The following SIK3 variants were observed in gnomAD, a reference collection of about 807,000 sequenced individuals.
SIK3 encodes the protein serine/threonine-protein kinase SIK3.
In SIK3, 28 loss-of-function variants were observed where a neutral mutation model predicts 144.2. The observed-to-expected ratio is 0.19, with a 90% CI of 0.14 to 0.27. The LOEUF (loss-of-function observed/expected upper bound fraction) is 0.27, where lower values mean the gene tolerates loss of function less well. SIK3 is among the 10% of genes least tolerant of loss of function. The probability of loss-of-function intolerance (pLI) is 1.00; values close to 1 mark genes in which losing one functional copy is unlikely to be tolerated. For missense variants in SIK3, 1,319 were observed against 1,776.0 expected (o/e 0.74, Z 4.62); for synonymous variants, 686 against 676.3 (o/e 1.01, Z -0.22).
At chr11:117,052,617 A>G (rs754657385) in intron 1 of SIK3, among the ~76,000 whole-genome samples, 3 of 152,232 alleles carry the variant, frequency 2.0e-5, no homozygotes, top group East Asian at 3.8e-4. Context: ...TATTATCCCC[A>G]ACAAAACAAA....
intron 6 of SIK3, among the ~76,000 whole-genome samples, chr11:116,883,649 T>G (rs1944660644): frequency 6.6e-6 from 1 of 152,156 alleles, no homozygotes; most frequent in Non-Finnish European, 1.5e-5. Context: ...AATAAGACAT[T>G]TGGGCCCGGC....
chr11:116,868,200 A>C, intron 14 of SIK3, 111 bp from the exon 15 acceptor site: 10 of 1,375,780 alleles, frequency 7.3e-6, no homozygotes, highest in Non-Finnish European at 9.0e-6. Flanking sequence ...GCCAGAGCTC[A>C]CGAAGGCTTG....
chr11:116,874,960 T>C (rs878927373), intron 11 of SIK3, among the ~76,000 whole-genome samples, 198 bp downstream of exon 11: 1 of 152,252 alleles, frequency 6.6e-6, no homozygotes, highest in Admixed American at 6.5e-5. Context: ...ACTGTTGTTA[T>C]TGGATTTTGG....
rs1944196976 is a variant in SIK3, at chr11:116,875,406, G to T, written c.1285C>A (p.Gln429Lys). The change falls in exon 10 of 25, where the codon CAG becomes AAG. Residue 429 changes from glutamine to lysine, a missense_variant. Around this residue, in one of 8 missense-constraint regions of SIK3, gnomAD observed 167 missense variants for 263.3 expected, o/e 0.63. Coordinates refer to ENST00000445177, the MANE Select transcript of SIK3 (RefSeq NM_001366686.3). ...ATTTGGTTCTCTGGGTTGATCAGCT[G>T]CACCTGGGGAACGCTGATGTTCATA... ...TAMNISVPQV[Q>K]LINPENQIVE... 1 of 1,614,094 alleles carries T rather than the reference G, an allele frequency of 6.2e-7. No individual in the cohort carries two copies. Among genetic ancestry groups the T allele is most frequent in the African/African-American group, 1.3e-5 (1 of 74,940 alleles).
chr11:116,969,222 G>C (rs12272305), intron 1 of SIK3, among the ~76,000 whole-genome samples: 1 of 149,636 alleles, frequency 6.7e-6, no homozygotes, highest in Admixed American at 6.7e-5. Context: ...CCCAGGAGGC[G>C]GAGCTTGCAG....
rs549239987 is a variant in SIK3, at chr11:116,867,818, G to A, written c.1952+128C>T. 5.3e-5 allele frequency: 51 copies of A among 961,742 alleles called. No individual in the cohort carries two copies. In the South Asian group the frequency reaches 5.8e-4, roughly 11 times the overall value. 59.6% of individuals were successfully genotyped at this position (961,742 alleles called of 1,614,324 possible). A position where few individuals can be genotyped will look rare whatever the true frequency, so the allele number is the denominator to read the frequency against. The stretch of plus-strand genomic sequence containing the variant: ...GCTTACTGCAAGGAGCTGAGAAGAT[G>A]TGAGTTCAGGATGACAGCTGGCTTC... On this transcript the variant is annotated intron_variant, in intron 15 of 24. Transcript: ENST00000445177. The surrounding 1 kb of genome is among the most constrained non-coding windows in gnomAD (Gnocchi z 4.1).
intron 1 of SIK3, among the ~76,000 whole-genome samples, chr11:116,957,682 TA>T (rs1417737789): frequency 6.6e-6 from 1 of 152,148 alleles, no homozygotes; most frequent in African/African-American, 2.4e-5. Context: ...TTAAACCTCC[TA>T]ACACCCACCT....
chr11:116,926,317 T>C (rs1199516673), intron 4 of SIK3, among the ~76,000 whole-genome samples: 1 of 152,220 alleles, frequency 6.6e-6, no homozygotes, highest in Admixed American at 6.5e-5. Flanking sequence ...CTTAATTTTA[T>C]TAGTAAATGG....
intron 3 of SIK3, among the ~76,000 whole-genome samples, chr11:116,932,241 A>G (rs1947648393): frequency 6.6e-6 from 1 of 152,182 alleles, no homozygotes; most frequent in Non-Finnish European, 1.5e-5. Flanking sequence ...TCCTCAAAAG[A>G]GCAGCCAAGG....
At chr11:116,986,543 T>G (rs1489608181) in intron 1 of SIK3, among the ~76,000 whole-genome samples, 1 of 152,200 alleles carries the variant, frequency 6.6e-6, no homozygotes, top group African/African-American at 2.4e-5. Context: ...GCTTTGAGCT[T>G]AACAGAGAAA....
intron 1 of SIK3, among the ~76,000 whole-genome samples, chr11:116,979,914 T>C (rs1950081742): frequency 6.6e-6 from 1 of 152,148 alleles, no homozygotes; most frequent in Non-Finnish European, 1.5e-5. Context: ...TTTAAAAAGT[T>C]TGGGATCCAC....
rs754440115 is a variant in SIK3 at position 116,876,287 on chromosome 11, T to C, written c.1061A>G (p.Glu354Gly). Reference protein sequence around the residue: ...PLNEDVLLAMEDMGLDKEQTL... With the variant: ...PLNEDVLLAMGDMGLDKEQTL... ...CTGTTCTTTGTCCAGTCCCATGTCC[T>C]CCATGGCCAAGAGGACATCCTCATT... is the stretch of plus-strand genomic sequence containing the variant. The change falls in exon 8 of 25, where the codon GAG (glutamate) becomes GGG (glycine). Residue 354 changes from glutamate (E) to glycine (G), a missense_variant. Around this residue, in one of 8 missense-constraint regions of SIK3, gnomAD observed 109 missense variants for 109.3 expected, o/e 1.00. Coordinates refer to ENST00000445177, the MANE Select transcript of SIK3 (RefSeq NM_001366686.3). The C allele has an allele frequency of 1.2e-6, 2 of 1,614,222 alleles. No individual in the cohort carries two copies. Among genetic ancestry groups the C allele is most frequent in the Admixed American group, 3.3e-5 (2 of 60,032 alleles).
intron 1 of SIK3, among the ~76,000 whole-genome samples, chr11:117,057,483 G>A (rs7125464): frequency 0.07 from 10,717 of 152,144 alleles, 661 homozygotes; most frequent in African/African-American, 0.17. Flanking sequence ...TTAGTAGACT[G>A]GCAAGCTGTG....
At position 116,940,410 on chromosome 11, in the gene SIK3, T is replaced by C. The variant is rs924936012; in HGVS notation, c.455-13030A>G. ...ACGCCCAGCTAATTTTTGTATTTTTTAGTAAAGACGGGGTTTCAACATGTT... is the reference window on the plus strand; with the variant it reads ...ACGCCCAGCTAATTTTTGTATTTTTCAGTAAAGACGGGGTTTCAACATGTT... On this transcript the variant is annotated intron_variant, in intron 3 of 24. Coordinates refer to ENST00000445177, the MANE Select transcript of SIK3 (RefSeq NM_001366686.3). 2.0e-5 allele frequency among the ~76,000 whole-genome samples: 3 copies of C among 151,962 alleles called. No homozygotes were observed. The East Asian group carries it at 5.8e-4, about 29-fold the overall frequency.
In SIK3 at chr11:116,897,300, G is replaced by T; in HGVS notation, c.634C>A (p.Leu212Ile). The T allele has an allele frequency of 6.2e-7, 1 of 1,613,694 alleles. No homozygotes were observed. Among genetic ancestry groups the T allele is most frequent in the Non-Finnish European group, 8.5e-7 (1 of 1,179,780 alleles). The change falls in exon 5 of 25, where the codon CTC (leucine) becomes ATC (isoleucine). Residue 212 changes from leucine (L) to isoleucine (I), a missense_variant. Physicochemically the swap from Leu to Ile is conservative, Grantham distance 5. Around this residue, in one of 8 missense-constraint regions of SIK3, gnomAD observed 125 missense variants for 285.2 expected, o/e 0.44. Transcript: ENST00000445177. ...IKIADFGFSNLFTPGQLLKTW... is the reference protein window; with the variant it reads ...IKIADFGFSNIFTPGQLLKTW... ...TTCAGCAGCTGCCCAGGAGTGAAGA[G>T]GTTACTGAAACCAAAATCTAGAAAG... is the stretch of plus-strand genomic sequence containing the variant.
chr11:116,865,447 T>C lies in SIK3; in HGVS notation c.1953-1629A>G, dbSNP rs371843591. ...CAGTTGCTCATTTGAGAAGCACTGA[T>C]AAGTATCAATTGTGCTTGATTTTAT... On this transcript the variant is annotated intron_variant, in intron 15 of 24. Coordinates refer to ENST00000445177, the MANE Select transcript of SIK3 (RefSeq NM_001366686.3). 3.3e-5 allele frequency among the ~76,000 whole-genome samples: 5 copies of C among 152,282 alleles called. No homozygotes were observed. The East Asian group carries it at 9.6e-4, about 29-fold the overall frequency.
intron 6 of SIK3, among the ~76,000 whole-genome samples, chr11:116,892,995 A>G (rs1266418138): frequency 6.6e-6 from 1 of 152,212 alleles, no homozygotes; most frequent in Non-Finnish European, 1.5e-5. Context: ...CCCATATGAC[A>G]TTCTGGAAAA....
Position 116,849,315 on chromosome 11 carries a change from G to A in SIK3, c.3656-32C>T, listed in dbSNP as rs768955395. ...AGACACAGCAGAATAGAGTCAGTGG[G>A]GCGGAACTTCTCCCAGCACTGGAAA... On this transcript the variant is annotated intron_variant, in intron 21 of 24. Coordinates refer to ENST00000445177, the MANE Select transcript of SIK3 (RefSeq NM_001366686.3). The surrounding 1 kb of genome is among the most constrained non-coding windows in gnomAD (Gnocchi z 4.2). 3.1e-6 allele frequency: 5 copies of A among 1,612,788 alleles called. No homozygotes were observed. The highest frequency in any genetic ancestry group is 4.2e-6 in the Non-Finnish European group (5 of 1,179,244).
chr11:117,082,970 G>A (rs972993896), intron 1 of SIK3, among the ~76,000 whole-genome samples: 1 of 151,900 alleles, frequency 6.6e-6, no homozygotes, highest in Admixed American at 6.6e-5. Context: ...ACAAAGAGCT[G>A]GAAAAACAGA....
Sources: allele counts gnomAD v4.1 joint callset (sites outside exome capture counted in the v4.1 genomes callset), GRCh38; gene constraint gnomAD v4.1.1; regional missense constraint gnomAD v4.1.1; non-coding constraint Gnocchi (gnomAD v3.1); transcripts MANE v1.5; gene names NCBI Gene and HGNC (gene_info 2026-07-23, HGNC 2026-07-21).